The following PCDH15 variants were observed in gnomAD, a reference collection of about 807,000 sequenced individuals.
PCDH15 encodes protocadherin-15.
In PCDH15, 129 loss-of-function variants were observed where a neutral mutation model predicts 178.5. The observed-to-expected ratio is 0.72, with a 90% CI of 0.63 to 0.84. The LOEUF is 0.84. PCDH15 is among the 40% of genes least tolerant of loss of function. PCDH15 has a pLI of 0.00. For synonymous variants in PCDH15, 800 were observed against 732.0 expected, an observed-to-expected ratio of 1.09 and a Z score of -1.50; for missense variants, 2,230 against 2,099.9, an observed-to-expected ratio of 1.06 and a Z score of -1.21.
At chr10:55,061,241 A>G (rs1410125914) in intron 2 of PCDH15, among the ~76,000 whole-genome samples, 1 of 152,200 alleles carries the variant, frequency 6.6e-6, no homozygotes, top group African/African-American at 2.4e-5. Flanking sequence ...TCCAATTTAT[A>G]AAAAGCGAAA....
chr10:55,157,726 GT>G (rs1237863122), intron 2 of PCDH15, among the ~76,000 whole-genome samples: 2 of 151,318 alleles, frequency 1.3e-5, no homozygotes, highest in Non-Finnish European at 2.9e-5. Flanking sequence ...AACATCACAT[GT>G]TCTCACTCAT....
chr10:54,474,492 T>C (rs969648589), intron 3 of PCDH15, among the ~76,000 whole-genome samples: 29 of 152,080 alleles, frequency 1.9e-4, no homozygotes, highest in African/African-American at 7.0e-4. Context: ...GTTCATATGA[T>C]GACGATCCTT....
At chr10:55,472,744 G>C (rs984941527) in intron 2 of PCDH15, among the ~76,000 whole-genome samples, 1 of 151,786 alleles carries the variant, frequency 6.6e-6, no homozygotes, top group African/African-American at 2.4e-5. Flanking sequence ...AATTTTTTGT[G>C]TTTTTAGTAG....
At chr10:53,825,099 C>CT (rs1292616062) in intron 32 of PCDH15, 1 of 1,521,204 alleles carries the variant, frequency 6.6e-7, no homozygotes, top group East Asian at 2.5e-5. Context: ...ATCTATTTTT[C>CT]TAACGCTCTT....
chr10:54,038,020 A>G (rs1193720956), intron 18 of PCDH15, among the ~76,000 whole-genome samples: 1 of 151,956 alleles, frequency 6.6e-6, no homozygotes, highest in Non-Finnish European at 1.5e-5. Context: ...CTGGGCTCAG[A>G]GGATCTCCTC....
At chr10:54,831,230 T>A (rs181820768) in intron 3 of PCDH15, among the ~76,000 whole-genome samples, 110 of 152,254 alleles carry the variant, frequency 7.2e-4, no homozygotes, top group Non-Finnish European at 1.3e-3. Flanking sequence ...GGTTTAGCAT[T>A]TTTTCATGCT....
At chr10:54,143,673 AT>A in intron 14 of PCDH15, among the ~76,000 whole-genome samples, 1 of 152,152 alleles carries the variant, frequency 6.6e-6, no homozygotes. Flanking sequence ...AATATTGCTG[AT>A]TTTTTTGTTT....
At chr10:53,835,129 T>C (rs981191980) in intron 29 of PCDH15, among the ~76,000 whole-genome samples, 1 of 152,212 alleles carries the variant, frequency 6.6e-6, no homozygotes, top group Non-Finnish European at 1.5e-5. Flanking sequence ...ATTTGGATTT[T>C]CAGTATTTTG....
At chr10:55,320,413 T>G (rs1033042722), upstream of PCDH15, among the ~76,000 whole-genome samples, 1 of 147,072 alleles carries the variant, frequency 6.8e-6, no homozygotes, top group African/African-American at 2.5e-5. Flanking sequence ...AGGCCAGTAC[T>G]GCTATGCCTG....
chr10:54,938,047 T>C (rs1837950166), intron 2 of PCDH15, among the ~76,000 whole-genome samples: 1 of 152,092 alleles, frequency 6.6e-6, no homozygotes, highest in Non-Finnish European at 1.5e-5. Context: ...TTTTTAATCA[T>C]TAAAGAGTGT....
At chr10:54,047,595 G>A (rs748971764) in intron 18 of PCDH15, among the ~76,000 whole-genome samples, 2 of 151,806 alleles carry the variant, frequency 1.3e-5, no homozygotes, top group Admixed American at 1.3e-4. Context: ...GTAGTCCCTA[G>A]TGTTTATTGT....
chr10:54,700,769 AAAGC>A (rs1371457476), intron 1 of PCDH15, among the ~76,000 whole-genome samples: 1 of 152,062 alleles, frequency 6.6e-6, no homozygotes, highest in African/African-American at 2.4e-5. Flanking sequence ...AGTAAGAAAG[AAAGC>A]AAGTTGGAAA....
At chr10:54,513,373 G>A (rs960681610) in intron 3 of PCDH15, among the ~76,000 whole-genome samples, 33 of 151,844 alleles carry the variant, frequency 2.2e-4, no homozygotes, top group African/African-American at 8.0e-4. Context: ...TGATTCTCAT[G>A]CCTCGGCCTC....
At chr10:54,650,904 T>TGG (rs1429429451) in intron 2 of PCDH15, among the ~76,000 whole-genome samples, 15 of 152,158 alleles carry the variant, frequency 9.9e-5, no homozygotes, top group Admixed American at 9.8e-4. Context: ...AGATGATATT[T>TGG]GGGTGAGGAC....
intron 23 of PCDH15, among the ~76,000 whole-genome samples, chr10:53,946,099 A>G (rs1325600482): frequency 6.6e-6 from 1 of 152,116 alleles, no homozygotes; most frequent in Non-Finnish European, 1.5e-5. Flanking sequence ...TAATGATCAG[A>G]AAAATAAAAG....
intron 2 of PCDH15, among the ~76,000 whole-genome samples, chr10:55,345,684 T>G (rs1844734046): frequency 1.3e-5 from 2 of 152,120 alleles, no homozygotes; most frequent in African/African-American, 4.8e-5. Flanking sequence ...TGTGATACTT[T>G]TTACTCTTGT....
intron 21 of PCDH15, among the ~76,000 whole-genome samples, chr10:53,987,073 C>T (rs1156901351): frequency 6.6e-6 from 1 of 151,870 alleles, no homozygotes; most frequent in Admixed American, 6.6e-5. Context: ...ATACACCAGA[C>T]ACAATTCATA....
At chr10:55,335,037 G>C (rs1026908299) in intron 2 of PCDH15, among the ~76,000 whole-genome samples, 2 of 152,186 alleles carry the variant, frequency 1.3e-5, no homozygotes, top group Non-Finnish European at 1.5e-5. Flanking sequence ...AACATTTAAA[G>C]AGTGGATTGC....
intron 1 of PCDH15, among the ~76,000 whole-genome samples, chr10:54,770,950 C>A (rs576997647): frequency 5.3e-5 from 8 of 152,128 alleles, no homozygotes; most frequent in African/African-American, 1.7e-4. Flanking sequence ...AGCCAGTTGG[C>A]TTTTGCAAAA....
Sources: allele counts gnomAD v4.1 joint callset (sites outside exome capture counted in the v4.1 genomes callset), GRCh38; gene constraint gnomAD v4.1.1; transcripts MANE v1.5; gene names NCBI Gene and HGNC (gene_info 2026-07-23, HGNC 2026-07-21).